FYB1: variants seen among roughly 807,000 people sequenced by gnomAD.
The protein encoded by FYB1 is FYN binding protein 1, also known as FYN-binding protein 1.
Under a neutral mutation model 94.1 loss-of-function variants are expected in FYB1, and 41 were observed. The observed-to-expected ratio is 0.44, with a 90% CI of 0.34 to 0.57. The LOEUF (loss-of-function observed/expected upper bound fraction) is 0.57, where lower values mean the gene tolerates loss of function less well. FYB1 is among the 20% of genes least tolerant of loss of function. The probability of loss-of-function intolerance (pLI) is 0.02; values close to 1 mark genes in which losing one functional copy is unlikely to be tolerated. For synonymous variants in FYB1, 367 were observed against 353.2 expected, an observed-to-expected ratio of 1.04 and a Z score of -0.44; for missense variants, 1,050 against 976.8, an observed-to-expected ratio of 1.07 and a Z score of -1.00.
chr5:39,237,052 G>T (rs1005863595), intron 1 of FYB1, among the ~76,000 whole-genome samples: 1 of 152,134 alleles, frequency 6.6e-6, no homozygotes, highest in African/African-American at 2.4e-5. Context: ...TTGAACAGAG[G>T]TTGATGAAGG....
Position 39,134,268 on chromosome 5 carries a change from C to T in FYB1, c.1757G>A (p.Arg586Lys). The T allele has an allele frequency of 6.2e-7, 1 of 1,609,540 alleles. No individual in the cohort carries two copies. The highest frequency in any genetic ancestry group is 8.5e-7 in the Non-Finnish European group (1 of 1,176,058). The change falls in exon 9 of 19, where the codon AGA becomes AAA. Residue 586 changes from arginine (R) to lysine (K), a missense_variant. Coordinates refer to ENST00000512982, the MANE Select transcript of FYB1 (RefSeq NM_001465.6). The part of the protein sequence containing the change: ...LKKDSLGAPS[R>K]PIEDDQEVYD... ...TACTTCTTGGTCATCTTCAATAGGT[C>T]TTGAAGGGGCACCAAGAGAGTCTTT...
chr5:39,177,387 T>C (rs1375591366), intron 2 of FYB1, among the ~76,000 whole-genome samples: 1 of 152,198 alleles, frequency 6.6e-6, no homozygotes, highest in Non-Finnish European at 1.5e-5. Flanking sequence ...CTAGAAGGTA[T>C]CTCAGGGGTG....
At chr5:39,135,123 C>T (rs1263729527) in intron 7 of FYB1, 109 bp from the exon 8 acceptor site, 4 of 1,194,782 alleles carry the variant, frequency 3.3e-6, no homozygotes, top group Non-Finnish European at 4.7e-6. Flanking sequence ...CTACCTATAA[C>T]CAACATTTAC....
At chr5:39,249,006 C>T (rs1419509354) in intron 1 of FYB1, among the ~76,000 whole-genome samples, 2 of 152,196 alleles carry the variant, frequency 1.3e-5, no homozygotes, top group Non-Finnish European at 1.5e-5. Flanking sequence ...TTTAATTCCT[C>T]AGTTGCACTA....
chr5:39,243,181 T>C (rs1751299803), intron 1 of FYB1, among the ~76,000 whole-genome samples: 1 of 152,038 alleles, frequency 6.6e-6, no homozygotes, highest in African/African-American at 2.4e-5. Context: ...TTTGTTGCCA[T>C]TGCTTTTGGT....
At chr5:39,187,226 A>G (rs988572066) in intron 2 of FYB1, among the ~76,000 whole-genome samples, 11 of 152,232 alleles carry the variant, frequency 7.2e-5, no homozygotes, top group Non-Finnish European at 2.9e-5. Context: ...TATCAGTGCC[A>G]CATTCATCCT....
At chr5:39,175,579 C>T (rs992466943) in intron 2 of FYB1, among the ~76,000 whole-genome samples, 2 of 152,152 alleles carry the variant, frequency 1.3e-5, no homozygotes, top group African/African-American at 2.4e-5. Flanking sequence ...ATAATAGGCT[C>T]AACAATTTAT....
intron 2 of FYB1, among the ~76,000 whole-genome samples, chr5:39,187,914 A>G (rs1486935074): frequency 6.6e-6 from 1 of 152,110 alleles, no homozygotes; most frequent in Admixed American, 6.6e-5. Context: ...CCTCAAGCCA[A>G]TGCAGGGCAG....
At chr5:39,247,113 T>TAC (rs1751515778) in intron 1 of FYB1, among the ~76,000 whole-genome samples, 1 of 130,454 alleles carries the variant, frequency 7.7e-6, no homozygotes, top group Admixed American at 7.7e-5. Context: ...TATATATATA[T>TAC]ATGACTATAT....
intron 1 of FYB1, among the ~76,000 whole-genome samples, chr5:39,225,326 T>A (rs1750425007): frequency 6.6e-6 from 1 of 152,216 alleles, no homozygotes; most frequent in Admixed American, 6.5e-5. Context: ...GGTTTTTATG[T>A]TAGCAAACCA....
At chr5:39,204,760 C>G (rs1748691246) in intron 1 of FYB1, among the ~76,000 whole-genome samples, 1 of 152,134 alleles carries the variant, frequency 6.6e-6, no homozygotes, top group Admixed American at 6.5e-5. Flanking sequence ...GAGTTTCTGT[C>G]CATACCAAAC....
intron 2 of FYB1, among the ~76,000 whole-genome samples, chr5:39,158,580 A>G (rs1743965012): frequency 6.6e-6 from 1 of 152,226 alleles, no homozygotes; most frequent in African/African-American, 2.4e-5. Context: ...CAAACTTTGC[A>G]TTTTATGTAT....
At chr5:39,116,284 T>C (rs1162414403) in intron 16 of FYB1, among the ~76,000 whole-genome samples, 1 of 152,190 alleles carries the variant, frequency 6.6e-6, no homozygotes, top group Non-Finnish European at 1.5e-5. Flanking sequence ...TGTATATAAG[T>C]GCTACCATAT....
At chr5:39,196,208 CTT>C (rs5867445) in intron 2 of FYB1, among the ~76,000 whole-genome samples, 87 of 128,260 alleles carry the variant, frequency 6.8e-4, no homozygotes, top group African/African-American at 1.6e-3. Context: ...ATAATTCTTT[CTT>C]TTTTTTTTTT....
intron 3 of FYB1, among the ~76,000 whole-genome samples, chr5:39,142,892 CTTTG>C (rs1277430943): frequency 6.6e-6 from 1 of 152,190 alleles, no homozygotes; most frequent in Non-Finnish European, 1.5e-5. Flanking sequence ...TTTGAGTCTC[CTTTG>C]TTTGTTTCCA....
Position 39,202,079 on chromosome 5 carries a change from G to C in FYB1, c.882C>G (p.Thr294=). The change falls in exon 2 of 19, where the codon ACC becomes ACG. Residue 294 remains threonine, a synonymous_variant. Transcript: ENST00000512982. The stretch of plus-strand genomic sequence containing the variant: ...CTTCCTGATTTATTTTGCTCTGGAA[G>C]GTGTTCTTAGCAGCATCTATCTTCC... ...EDRKIDAAKN[T]FQSKINQEEL... The C allele has an allele frequency of 6.2e-7, 1 of 1,614,042 alleles. No homozygotes were observed. Among genetic ancestry groups the C allele is most frequent in the Non-Finnish European group, 8.5e-7 (1 of 1,179,896 alleles).
chr5:39,270,630 G>A (rs1001869544), intron 1 of FYB1: 3 of 1,518,342 alleles, frequency 2.0e-6, no homozygotes, highest in Middle Eastern at 1.7e-4. Context: ...GGTGCAGCTT[G>A]GATAGTGAAT....
intron 1 of FYB1, among the ~76,000 whole-genome samples, chr5:39,253,137 T>G (rs1382114875): frequency 6.6e-6 from 1 of 152,224 alleles, no homozygotes; most frequent in Admixed American, 6.5e-5. Context: ...TCTATTAAGC[T>G]AATTCTTTGA....
chr5:39,141,357 C>A (rs1742167353), intron 3 of FYB1, among the ~76,000 whole-genome samples: 1 of 152,246 alleles, frequency 6.6e-6, no homozygotes, highest in African/African-American at 2.4e-5. Context: ...ATAGCACCAT[C>A]TATTCATAGT....
Sources: allele counts gnomAD v4.1 joint callset (sites outside exome capture counted in the v4.1 genomes callset), GRCh38; gene constraint gnomAD v4.1.1; transcripts MANE v1.5; gene names NCBI Gene and HGNC (gene_info 2026-07-23, HGNC 2026-07-21).